GAP43: variants seen among roughly 807,000 people sequenced by gnomAD.
GAP43 encodes neuromodulin.
GAP43 carries 6 observed loss-of-function variants against 18.6 expected under a neutral mutation model. That is an observed-to-expected ratio of 0.32 (90% CI 0.18 to 0.64). The LOEUF (loss-of-function observed/expected upper bound fraction) is 0.64. Ranked by LOEUF, GAP43 falls within the 30% of genes least tolerant of loss-of-function variation. The pLI, the probability that GAP43 is intolerant of heterozygous loss-of-function variation, is 0.78. For missense variants in GAP43, 292 were observed against 295.5 expected (o/e 0.99, Z 0.09); for synonymous variants, 115 against 111.4 (o/e 1.03, Z -0.20).
intron 2 of GAP43, among the ~76,000 whole-genome samples, chr3:115,703,294 G>A (rs2107369530): frequency 6.6e-6 from 1 of 152,168 alleles, no homozygotes; most frequent in Admixed American, 6.6e-5. Flanking sequence ...AAAATAAGAT[G>A]TTTGTAACTT....
At chr3:115,675,585 AC>A (rs1205448865) in intron 1 of GAP43, among the ~76,000 whole-genome samples, 1 of 151,742 alleles carries the variant, frequency 6.6e-6, no homozygotes, top group Non-Finnish European at 1.5e-5. Context: ...ACATGATGAA[AC>A]CCCGTCTCTA....
At chr3:115,681,266 A>C (rs1708954756) in intron 2 of GAP43, among the ~76,000 whole-genome samples, 1 of 152,342 alleles carries the variant, frequency 6.6e-6, no homozygotes, top group East Asian at 1.9e-4. Context: ...AATAGGGACA[A>C]AGTAAATGGA....
chr3:115,687,841 A>G (rs1052155335), intron 2 of GAP43, among the ~76,000 whole-genome samples: 4 of 152,186 alleles, frequency 2.6e-5, no homozygotes, highest in Non-Finnish European at 5.9e-5. Flanking sequence ...AAAACTCAAC[A>G]TAATTCAAAA....
intron 2 of GAP43, among the ~76,000 whole-genome samples, chr3:115,706,295 A>T (rs1018867367): frequency 4.6e-5 from 7 of 152,172 alleles, no homozygotes; most frequent in Non-Finnish European, 8.8e-5. Context: ...CATTATGATT[A>T]AACAAGGGAA....
chr3:115,690,779 G>A (rs781578410), intron 2 of GAP43, among the ~76,000 whole-genome samples: 5 of 117,466 alleles, frequency 4.3e-5, no homozygotes, highest in African/African-American at 3.4e-5. Flanking sequence ...TTTTTGAGAC[G>A]GAGTCTCCCT....
At chr3:115,705,247 A>G (rs919858926) in intron 2 of GAP43, among the ~76,000 whole-genome samples, 7 of 152,306 alleles carry the variant, frequency 4.6e-5, no homozygotes, top group Non-Finnish European at 1.0e-4. Flanking sequence ...AGGCAGCTGT[A>G]GTCACTATTG....
At chr3:115,673,205 G>C (rs967899404) in intron 1 of GAP43, among the ~76,000 whole-genome samples, 2 of 152,182 alleles carry the variant, frequency 1.3e-5, no homozygotes, top group African/African-American at 4.8e-5. Flanking sequence ...GAAAATTGAA[G>C]TTGCAGATGC....
intron 2 of GAP43, among the ~76,000 whole-genome samples, chr3:115,705,569 C>T (rs1709351680): frequency 6.6e-6 from 1 of 152,090 alleles, no homozygotes; most frequent in African/African-American, 2.4e-5. Flanking sequence ...TATGATTGAT[C>T]TCATTAGATG....
chr3:115,706,501 A>G (rs1435980737), intron 2 of GAP43, among the ~76,000 whole-genome samples: 1 of 152,214 alleles, frequency 6.6e-6, no homozygotes, highest in African/African-American at 2.4e-5. Context: ...TGTTTAATCA[A>G]CTGGCTGCTA....
At chr3:115,654,727 T>C (rs1250491942) in intron 1 of GAP43, among the ~76,000 whole-genome samples, 2 of 152,228 alleles carry the variant, frequency 1.3e-5, no homozygotes, top group Admixed American at 6.5e-5. Flanking sequence ...CAGAGGGTCA[T>C]GTTCCTATAA....
chr3:115,708,804 AAAG>A (rs1368034295), intron 2 of GAP43, among the ~76,000 whole-genome samples: 3 of 152,132 alleles, frequency 2.0e-5, no homozygotes, highest in Non-Finnish European at 4.4e-5. Context: ...TGGACCTGGT[AAAG>A]AAGATCTGAG....
At chr3:115,626,324 T>A (rs1708187469) in intron 1 of GAP43, among the ~76,000 whole-genome samples, 1 of 152,196 alleles carries the variant, frequency 6.6e-6, no homozygotes. Flanking sequence ...CTGAAGGGCT[T>A]GCACTTCCTT....
intron 2 of GAP43, among the ~76,000 whole-genome samples, chr3:115,706,946 C>T (rs1369513443): frequency 6.6e-6 from 1 of 152,126 alleles, no homozygotes; most frequent in Non-Finnish European, 1.5e-5. Flanking sequence ...ATTTAATGTT[C>T]ATCACAAATT....
chr3:115,648,991 C>A (rs1196573889), intron 1 of GAP43, among the ~76,000 whole-genome samples: 1 of 151,988 alleles, frequency 6.6e-6, no homozygotes, highest in Non-Finnish European at 1.5e-5. Context: ...AGTTTAAAGG[C>A]TTAGAAGAAG....
At position 115,670,027 on chromosome 3, in the gene GAP43, G is replaced by C. The variant is rs370984937; in HGVS notation, c.31-5986G>C. On this transcript the variant is annotated intron_variant, in intron 1 of 2. Transcript: ENST00000305124. ...TTTTTTTATTATACTCTAAGTTTTA[G>C]GGTACATGTGCACATTGTGCAGGTT... is the stretch of plus-strand genomic sequence containing the variant. Among the ~76,000 whole-genome samples the C allele has an allele frequency of 2.4e-5, 3 of 123,308 alleles. 1 individual carries two copies. In the South Asian group the frequency reaches 8.0e-4, roughly 33 times the overall value. The allele number at this position is 123,308 out of a possible 152,430, so 80.9% of individuals were successfully genotyped here. A position where few individuals can be genotyped will look rare whatever the true frequency, so the allele number is the denominator to read the frequency against.
At chr3:115,626,516 A>G (rs1315886937) in intron 1 of GAP43, among the ~76,000 whole-genome samples, 3 of 152,166 alleles carry the variant, frequency 2.0e-5, no homozygotes, top group Non-Finnish European at 4.4e-5. Flanking sequence ...AGGAGTGGGC[A>G]AAGGAGGAAT....
intron 1 of GAP43, among the ~76,000 whole-genome samples, chr3:115,646,333 A>G (rs1249260604): frequency 1.3e-5 from 2 of 152,128 alleles, no homozygotes; most frequent in African/African-American, 4.8e-5. Flanking sequence ...TGCTTATACA[A>G]CTAATTACTA....
chr3:115,642,522 TTTAC>T (rs1269372248), intron 1 of GAP43, among the ~76,000 whole-genome samples: 1 of 151,998 alleles, frequency 6.6e-6, no homozygotes, highest in Non-Finnish European at 1.5e-5. Context: ...CTTAAATAAT[TTTAC>T]TTAATCTCAG....
intron 2 of GAP43, among the ~76,000 whole-genome samples, chr3:115,705,633 T>TA (rs962099753): frequency 7.9e-5 from 12 of 151,812 alleles, no homozygotes; most frequent in Non-Finnish European, 1.8e-4. Context: ...TACCAAAACA[T>TA]AAAAAACCCA....
Sources: gnomAD v4.1 joint callset for allele counts (sites outside exome capture counted in the v4.1 genomes callset) on GRCh38, gnomAD v4.1.1 for gene constraint, MANE v1.5 for transcripts, NCBI Gene and HGNC (gene_info 2026-07-23, HGNC 2026-07-21) for gene names.